ZDHHC11: variants seen among roughly 807,000 people sequenced by gnomAD.
ZDHHC11 encodes the protein palmitoyltransferase ZDHHC11.
Under a neutral mutation model 51.3 loss-of-function variants are expected in ZDHHC11, and 44 were observed. The ratio of observed to expected loss-of-function variants is 0.86; its 90% CI spans 0.67 to 1.10. The LOEUF (loss-of-function observed/expected upper bound fraction) is 1.10. ZDHHC11 is among the 50% of genes least tolerant of loss of function. The pLI, the probability that ZDHHC11 is intolerant of heterozygous loss-of-function variation, is 0.00. For missense variants in ZDHHC11, 400 were observed against 537.7 expected (o/e 0.74, Z 2.53); for synonymous variants, 163 against 222.0 (o/e 0.73, Z 2.36).
chr5:853,281 GT>G (rs1747578018), upstream of ZDHHC11, among the ~76,000 whole-genome samples: 1 of 148,468 alleles, frequency 6.7e-6, no homozygotes, highest in South Asian at 2.2e-4. Context: ...ACAGAGGACA[GT>G]GAGCAGCAGG....
rs367879562 is a variant in ZDHHC11 at position 815,118 on chromosome 5, G to A, written c.1147-323C>T. 2.0e-5 allele frequency among the ~76,000 whole-genome samples: 3 copies of A among 151,420 alleles called. No homozygotes were observed. The South Asian group carries it at 6.2e-4, about 32-fold the overall frequency. On this transcript the variant is annotated intron_variant, in intron 10 of 12. Transcript: ENST00000283441. ...CTACTAGAGTGAGCCCTAATCCAGA[G>A]TGACTGGTGTCCTTTTATGAAGGGG... is the stretch of plus-strand genomic sequence containing the variant.
intron 5 of ZDHHC11, among the ~76,000 whole-genome samples, chr5:837,872 A>G (rs7731267): frequency 0.11 from 16,817 of 151,518 alleles, 1,491 homozygotes; most frequent in African/African-American, 0.26. Flanking sequence ...GGGGTAAGAG[A>G]CCAGCTCAGG....
upstream of ZDHHC11, among the ~76,000 whole-genome samples, chr5:854,758 C>T (rs1292926372): frequency 4.6e-5 from 6 of 131,526 alleles, no homozygotes; most frequent in East Asian, 4.9e-4. Context: ...CCGAGGACAG[C>T]GAGCCGGAGG....
Position 840,503 on chromosome 5 carries a change from A to T in ZDHHC11, c.776T>A (p.Ile259Asn). The T allele has an allele frequency of 2.5e-6, 4 of 1,613,678 alleles. No homozygotes were observed. Among genetic ancestry groups the T allele is most frequent in the Non-Finnish European group, 3.4e-6 (4 of 1,179,876 alleles). The change falls in exon 5 of 13, where the codon ATC becomes AAC. Residue 259 changes from isoleucine to asparagine, a missense_variant. Ile to Asn is a moderately radical substitution (Grantham distance 149). Transcript: ENST00000283441. ...VHLGQLLIFHIYLKAKKMTTF... is the reference protein window; with the variant it reads ...VHLGQLLIFHNYLKAKKMTTF... ...TAGGGTGGGGGACATACTCAGGTAG[A>T]TGTGGAAGATGAGCAGCTGGCCCAG...
chr5:800,148 GC>G (rs776472328), intron 12 of ZDHHC11, among the ~76,000 whole-genome samples: 4 of 151,192 alleles, frequency 2.6e-5, no homozygotes, highest in Non-Finnish European at 5.9e-5. Flanking sequence ...CTTCCTCAGG[GC>G]TCTATGGCAC....
Position 850,759 on chromosome 5 carries a change from G to T in ZDHHC11, c.-157C>A. 2.2e-6 allele frequency: 2 copies of T among 893,338 alleles called. No homozygotes were observed. Among genetic ancestry groups the T allele is most frequent in the Non-Finnish European group, 3.3e-6 (2 of 597,664 alleles). The allele number at this position is 893,338 out of a possible 1,614,324, so 55.3% of individuals were successfully genotyped here. ...TGCCTGGGGCCACGTTCCCCGCAGA[G>T]GGAGCAGGGGCTGGGCTGGAGTCGG... On this transcript the variant is annotated 5_prime_UTR_variant, in exon 1 of 13. Coordinates refer to ENST00000283441, the MANE Select transcript of ZDHHC11 (RefSeq NM_024786.3).
chr5:797,431 A>G (rs1450327535), intron 12 of ZDHHC11, among the ~76,000 whole-genome samples: 1 of 151,762 alleles, frequency 6.6e-6, no homozygotes, highest in Non-Finnish European at 1.5e-5. Flanking sequence ...GACTCTAAAC[A>G]TAACATAGCC....
upstream of ZDHHC11, among the ~76,000 whole-genome samples, chr5:854,671 G>A (rs1747874444): frequency 1.3e-5 from 2 of 151,314 alleles, no homozygotes; most frequent in South Asian, 2.1e-4. Flanking sequence ...GTGAGCTGGG[G>A]GCACAGATCC....
At chr5:841,149 T>C in intron 4 of ZDHHC11, 2 of 1,027,152 alleles carry the variant, frequency 1.9e-6, no homozygotes, top group Non-Finnish European at 2.3e-6. Context: ...AGTGCCAGGG[T>C]CACAGTGCCC....
intron 7 of ZDHHC11, among the ~76,000 whole-genome samples, chr5:825,656 C>T (rs1196198144): frequency 2.0e-5 from 3 of 151,294 alleles, no homozygotes; most frequent in African/African-American, 7.3e-5. Flanking sequence ...GGAACCACCA[C>T]AGCAGCATAC....
upstream of ZDHHC11, among the ~76,000 whole-genome samples, chr5:859,179 CA>C (rs1247228411): frequency 6.6e-6 from 1 of 152,012 alleles, no homozygotes; most frequent in Admixed American, 6.5e-5. Flanking sequence ...CAGCAAACTA[CA>C]AAAAAACAGG....
rs886768641 is a variant in ZDHHC11 at position 827,574 on chromosome 5, G to A, written c.936-2323C>T. On this transcript the variant is annotated intron_variant, in intron 7 of 12. Coordinates refer to ENST00000283441, the MANE Select transcript of ZDHHC11 (RefSeq NM_024786.3). ...AAATGGAAACCAACAGCAGGCAGGA[G>A]GAACTATTCTGATACCAGACTCAAC... 2.0e-5 allele frequency among the ~76,000 whole-genome samples: 3 copies of A among 150,786 alleles called. 1 individual carries two copies. Among genetic ancestry groups the A allele is most frequent in the Non-Finnish European group, 4.4e-5 (3 of 67,594 alleles).
At chr5:836,888 C>A (rs1423145097) in intron 6 of ZDHHC11, among the ~76,000 whole-genome samples, 2 of 149,570 alleles carry the variant, frequency 1.3e-5, no homozygotes, top group Non-Finnish European at 3.0e-5. Flanking sequence ...AAAACCACAT[C>A]TCTACTAAAA....
Position 812,424 on chromosome 5 carries a change from A to G in ZDHHC11, c.1181+2337T>C, listed in dbSNP as rs1194428453. Among the ~76,000 whole-genome samples, 2 of 151,774 alleles carry G rather than the reference A, an allele frequency of 1.3e-5. 1 individual carries two copies. The highest frequency in any genetic ancestry group is 2.9e-5 in the Non-Finnish European group (2 of 67,836). ...CATTTAAAAGTGCGCAAACCTTTGA[A>G]AAGCTAATTCATACAAGAGGAACTG... On this transcript the variant is annotated intron_variant, in intron 11 of 12. Transcript: ENST00000283441.
chr5:846,354 C>T (rs1178117012), intron 3 of ZDHHC11, among the ~76,000 whole-genome samples: 1 of 150,972 alleles, frequency 6.6e-6, no homozygotes, highest in Non-Finnish European at 1.5e-5. Context: ...GGGGAGCAGG[C>T]GTGGTTCTTT....
At chr5:853,377 G>T (rs140276982), upstream of ZDHHC11, among the ~76,000 whole-genome samples, 240 of 142,810 alleles carry the variant, frequency 1.7e-3, 1 homozygote, top group African/African-American at 6.1e-3. Context: ...GGAGGACAGC[G>T]AGCCAGGGGG....
At chr5:804,330 A>C (rs1241935124) in intron 11 of ZDHHC11, among the ~76,000 whole-genome samples, 2 of 151,294 alleles carry the variant, frequency 1.3e-5, no homozygotes, top group African/African-American at 4.9e-5. Context: ...ACAGGAAAAA[A>C]CATAGTGTAT....
chr5:801,691 A>G (rs186695215), intron 11 of ZDHHC11, among the ~76,000 whole-genome samples: 315 of 150,638 alleles, frequency 2.1e-3, no homozygotes, highest in African/African-American at 7.3e-3. Context: ...TGGCAGTAGA[A>G]GTGACCGTGT....
chr5:825,688 G>A (rs1273266812), intron 7 of ZDHHC11, among the ~76,000 whole-genome samples: 1 of 150,994 alleles, frequency 6.6e-6, no homozygotes, highest in African/African-American at 2.4e-5. Context: ...AAAAGTCACA[G>A]GGCCTTTGGA....
Sources: allele counts gnomAD v4.1 joint callset (sites outside exome capture counted in the v4.1 genomes callset), GRCh38; gene constraint gnomAD v4.1.1; transcripts MANE v1.5; gene names NCBI Gene and HGNC (gene_info 2026-07-23, HGNC 2026-07-21).